The following EYS variants were observed in gnomAD, a reference collection of about 807,000 sequenced individuals.
EYS encodes the protein protein eyes shut homolog.
EYS carries 250 observed loss-of-function variants against 282.1 expected under a neutral mutation model. The observed-to-expected ratio is 0.89, with a 90% CI of 0.80 to 0.98. The LOEUF (loss-of-function observed/expected upper bound fraction) is 0.98, where lower values mean the gene tolerates loss of function less well. EYS is among the 50% of genes least tolerant of loss of function. EYS has a pLI of 0.00. For missense variants in EYS, 4,016 were observed against 3,709.0 expected (o/e 1.08, Z -2.15); for synonymous variants, 1,355 against 1,282.9 (o/e 1.06, Z -1.20).
intron 22 of EYS, among the ~76,000 whole-genome samples, chr6:64,675,975 CGATA>C (rs1189105010): frequency 1.4e-5 from 2 of 146,676 alleles, no homozygotes; most frequent in African/African-American, 2.5e-5. Context: ...ATCTATTGAT[CGATA>C]GATCTATATA....
intron 22 of EYS, among the ~76,000 whole-genome samples, chr6:64,811,547 T>C (rs1294883092): frequency 6.6e-6 from 1 of 152,110 alleles, no homozygotes; most frequent in East Asian, 1.9e-4. Flanking sequence ...AGTGCAGCAA[T>C]GTTGGGAGGT....
chr6:64,274,338 C>A (rs918847070), intron 30 of EYS, among the ~76,000 whole-genome samples: 2 of 152,050 alleles, frequency 1.3e-5, no homozygotes, highest in African/African-American at 4.8e-5. Context: ...CCACGCCGGG[C>A]TAATTTTTCT....
Position 64,063,348 on chromosome 6 carries a change from CTCT to C in EYS, c.6725+2987_6725+2989del, listed in dbSNP as rs545189410. ...CTCACGATCTTCTCAATCTAACCTG[CTCT>C]TCTTGCATTGTTTATTATTATCTCT... On this transcript the variant is annotated intron_variant, in intron 33 of 42. Coordinates refer to ENST00000503581, the MANE Select transcript of EYS (RefSeq NM_001142800.2). Among the ~76,000 whole-genome samples, 254 of 152,266 alleles carry C rather than the reference CTCT, an allele frequency of 1.7e-3. 1 individual carries two copies. Among genetic ancestry groups the C allele is most frequent in the Non-Finnish European group, 2.9e-3 (197 of 68,018 alleles).
chr6:65,232,979 T>C (rs1766823516), intron 12 of EYS, among the ~76,000 whole-genome samples: 1 of 152,192 alleles, frequency 6.6e-6, no homozygotes, highest in Admixed American at 6.6e-5. Context: ...AGTCTGCTCC[T>C]GTGAATTTTT....
At chr6:64,867,022 T>C (rs930276754) in intron 19 of EYS, among the ~76,000 whole-genome samples, 2 of 151,728 alleles carry the variant, frequency 1.3e-5, no homozygotes, top group South Asian at 2.1e-4. Flanking sequence ...ACAGAAGAAC[T>C]TTTAAAGGGA....
intron 14 of EYS, among the ~76,000 whole-genome samples, chr6:64,972,570 A>G (rs1770331721): frequency 6.6e-6 from 1 of 152,000 alleles, no homozygotes; most frequent in Non-Finnish European, 1.5e-5. Flanking sequence ...AGATGACTCA[A>G]TTCTCCTTAA....
At chr6:64,483,081 T>C (rs923350958) in intron 26 of EYS, among the ~76,000 whole-genome samples, 1 of 151,014 alleles carries the variant, frequency 6.6e-6, no homozygotes, top group South Asian at 2.1e-4. Context: ...AGAATAACAA[T>C]TTTTTTTTCT....
At chr6:65,598,234 ACCC>A (rs1321701646) in intron 2 of EYS, among the ~76,000 whole-genome samples, 2 of 11,820 alleles carry the variant, frequency 1.7e-4, no homozygotes, top group East Asian at 0.01. Flanking sequence ...CCTCCTCCCC[ACCC>A]ACCCCCCCCC....
intron 2 of EYS, among the ~76,000 whole-genome samples, chr6:65,584,895 T>C (rs932881607): frequency 7.1e-6 from 1 of 139,862 alleles, no homozygotes; most frequent in African/African-American, 2.6e-5. Context: ...ATATTATATA[T>C]ATTATATATA....
chr6:65,632,253 T>C (rs1006457555), intron 2 of EYS, among the ~76,000 whole-genome samples: 3 of 152,166 alleles, frequency 2.0e-5, no homozygotes. Context: ...TCTGGATGCT[T>C]TATAGGTACC....
At chr6:64,928,115 A>G (rs967069900) in intron 15 of EYS, among the ~76,000 whole-genome samples, 1 of 152,136 alleles carries the variant, frequency 6.6e-6, no homozygotes, top group African/African-American at 2.4e-5. Flanking sequence ...TAATCACAAT[A>G]AAAAATGTCC....
chr6:64,416,417 T>C (rs754795368), intron 28 of EYS, among the ~76,000 whole-genome samples: 5 of 152,154 alleles, frequency 3.3e-5, no homozygotes, highest in Non-Finnish European at 7.4e-5. Flanking sequence ...AGAGCAGCAG[T>C]AAACCACTCA....
intron 19 of EYS, among the ~76,000 whole-genome samples, chr6:64,825,558 C>T (rs549217485): frequency 6.6e-6 from 1 of 151,798 alleles, no homozygotes; most frequent in Non-Finnish European, 1.5e-5. Context: ...TCTTCCCAAC[C>T]ACGAACAAAA....
intron 22 of EYS, among the ~76,000 whole-genome samples, chr6:64,765,501 T>C (rs574972128): frequency 6.6e-6 from 1 of 152,298 alleles, no homozygotes; most frequent in Non-Finnish European, 1.5e-5. Flanking sequence ...GCCCTATTCT[T>C]TTGGTACCAA....
intron 1 of EYS, among the ~76,000 whole-genome samples, chr6:65,652,243 A>C (rs1767679277): frequency 6.6e-6 from 1 of 152,124 alleles, no homozygotes; most frequent in African/African-American, 2.4e-5. Flanking sequence ...CATCTTATGA[A>C]ATGAAATAAT....
intron 21 of EYS, among the ~76,000 whole-genome samples, chr6:64,818,450 C>CCT (rs1393654438): frequency 1.3e-5 from 2 of 152,106 alleles, no homozygotes; most frequent in African/African-American, 4.8e-5. Flanking sequence ...TTAAGGAGTA[C>CCT]TGACTCACAC....
At chr6:65,369,274 T>C (rs1158182185) in intron 8 of EYS, among the ~76,000 whole-genome samples, 2 of 128,722 alleles carry the variant, frequency 1.6e-5, no homozygotes, top group Non-Finnish European at 3.3e-5. Flanking sequence ...TGTATATATA[T>C]ATTTATATAT....
chr6:64,556,572 C>T (rs1765239465), intron 26 of EYS, among the ~76,000 whole-genome samples: 1 of 151,852 alleles, frequency 6.6e-6, no homozygotes, highest in Non-Finnish European at 1.5e-5. Flanking sequence ...ATACATCTAT[C>T]TAAATTAATC....
At chr6:63,944,393 C>A (rs1296951949) in intron 35 of EYS, among the ~76,000 whole-genome samples, 2 of 152,118 alleles carry the variant, frequency 1.3e-5, no homozygotes, top group East Asian at 1.9e-4. Flanking sequence ...GTACGACATG[C>A]TTTAGTCTGC....
Sources: gnomAD v4.1 joint callset for allele counts (sites outside exome capture counted in the v4.1 genomes callset) on GRCh38, gnomAD v4.1.1 for gene constraint, MANE v1.5 for transcripts, NCBI Gene and HGNC (gene_info 2026-07-23, HGNC 2026-07-21) for gene names.